The following NAA25 variants were observed in gnomAD, a reference collection of about 807,000 sequenced individuals.
The protein encoded by NAA25 is N-terminal acetyltransferase B complex subunit NAA25.
In NAA25, 30 loss-of-function variants were observed where a neutral mutation model predicts 132.5. The ratio of observed to expected loss-of-function variants is 0.23; its 90% confidence interval spans 0.17 to 0.31. The LOEUF (loss-of-function observed/expected upper bound fraction) is 0.31. Among genes scored for constraint, NAA25 ranks in the 10% least tolerant of loss-of-function variants. The pLI, the probability that NAA25 is intolerant of heterozygous loss-of-function variation, is 1.00. For synonymous variants in NAA25, 359 were observed against 401.9 expected, an observed-to-expected ratio of 0.89 and a Z score of 1.28; for missense variants, 771 against 1,150.4, an observed-to-expected ratio of 0.67 and a Z score of 4.77.
chr12:112,086,089 C>T (rs1325773846), intron 4 of NAA25, among the ~76,000 whole-genome samples: 1 of 121,788 alleles, frequency 8.2e-6, no homozygotes, highest in Admixed American at 9.0e-5. Context: ...CACACACACA[C>T]ACACACACAC....
intron 7 of NAA25, among the ~76,000 whole-genome samples, chr12:112,076,628 C>T (rs1290844121): frequency 6.6e-6 from 1 of 151,536 alleles, no homozygotes; most frequent in African/African-American, 2.4e-5. Flanking sequence ...TTAAGGATAC[C>T]AAAAATTACA....
chr12:112,043,764 T>C lies in NAA25; in HGVS notation c.2111A>G (p.Asn704Ser), dbSNP rs1283748821. 3.7e-6 allele frequency: 6 copies of C among 1,614,102 alleles called. No homozygotes were observed. The highest frequency in any genetic ancestry group is 4.2e-6 in the Non-Finnish European group (5 of 1,180,006). Residue 704 changes from asparagine to serine, a missense_variant, in exon 18 of 24, where the codon AAC becomes AGC. Coordinates refer to ENST00000261745, the MANE Select transcript of NAA25 (RefSeq NM_024953.4). Reference protein sequence around the residue: ...LRLISGLPSLNHPVEPKNSEK... With the variant: ...LRLISGLPSLSHPVEPKNSEK... ...CGAGTTCTTTGGCTCCACAGGGTGG[T>C]TGAGACTTGGAAGTCCACTTATCAG...
chr12:112,072,129 A>C, intron 9 of NAA25, 65 bp from the exon 10 acceptor site: 1 of 1,377,936 alleles, frequency 7.3e-7, no homozygotes, highest in Non-Finnish European at 9.9e-7. Context: ...GCTTAAAGTC[A>C]AGCCAAACTC....
intron 11 of NAA25, among the ~76,000 whole-genome samples, chr12:112,062,439 CG>C (rs1295939348): frequency 1.3e-5 from 2 of 150,312 alleles, no homozygotes; most frequent in Non-Finnish European, 3.0e-5. Context: ...AAAAATAGGC[CG>C]GGTGTGGTGC....
At chr12:112,054,075 A>T (rs541983640) in intron 14 of NAA25, among the ~76,000 whole-genome samples, 1 of 152,246 alleles carries the variant, frequency 6.6e-6, no homozygotes, top group Non-Finnish European at 1.5e-5. Flanking sequence ...AATAAATTAC[A>T]TGTGTCAACT....
At chr12:112,095,516 G>A (rs898246357) in intron 1 of NAA25, among the ~76,000 whole-genome samples, 1 of 151,044 alleles carries the variant, frequency 6.6e-6, no homozygotes, top group African/African-American at 2.4e-5. Context: ...GTCTGCTTGA[G>A]CTTGGGAGGT....
intron 11 of NAA25, among the ~76,000 whole-genome samples, chr12:112,066,877 T>TA (rs750419163): frequency 3.3e-5 from 5 of 152,230 alleles, no homozygotes; most frequent in Admixed American, 6.6e-5. Flanking sequence ...ATGTGGTCAC[T>TA]AAAAAAATAC....
At position 112,108,401 on chromosome 12, in the gene NAA25, A is replaced by G. The variant is rs2079396474; in HGVS notation, c.58+315T>C. Among the ~76,000 whole-genome samples the G allele has an allele frequency of 2.0e-5, 3 of 152,198 alleles. No individual in the cohort carries two copies. In the South Asian group the frequency reaches 6.2e-4, roughly 31 times the overall value. The stretch of plus-strand genomic sequence containing the variant: ...CTTCGGGGAGATCTCCGGTCTCCCT[A>G]GGAGCGGCGGTAACGATGCAGCCTG... On this transcript the variant is annotated intron_variant, in intron 1 of 23. Coordinates refer to ENST00000261745, the MANE Select transcript of NAA25 (RefSeq NM_024953.4).
chr12:112,091,519 C>A lies in NAA25; in HGVS notation c.145-655G>T, dbSNP rs188854184. Among the ~76,000 whole-genome samples, 59 of 152,210 alleles carry A rather than the reference C, an allele frequency of 3.9e-4. No homozygotes were observed. In the East Asian group the frequency reaches 0.011, roughly 29 times the overall value. ...GCCTAGGTAGGCAACGTGGTGAGAT[C>A]CCATTTTTACAAAAAGTTTAAATAT... On this transcript the variant is annotated intron_variant, in intron 2 of 23. Coordinates refer to ENST00000261745, the MANE Select transcript of NAA25 (RefSeq NM_024953.4).
At chr12:112,050,367 C>CA (rs1419513527) in intron 15 of NAA25, among the ~76,000 whole-genome samples, 1 of 152,188 alleles carries the variant, frequency 6.6e-6, no homozygotes, top group Non-Finnish European at 1.5e-5. Context: ...ATTTTCTACT[C>CA]ATTTATGCAC....
At chr12:112,044,085 G>A (rs541947173) in intron 17 of NAA25, among the ~76,000 whole-genome samples, 11 of 151,668 alleles carry the variant, frequency 7.3e-5, no homozygotes, top group Admixed American at 3.3e-4. Context: ...CTGCCACCAC[G>A]CCCGGCTAAT....
At chr12:112,082,532 T>A (rs941997692) in intron 4 of NAA25, among the ~76,000 whole-genome samples, 1 of 149,240 alleles carries the variant, frequency 6.7e-6, no homozygotes, top group Non-Finnish European at 1.5e-5. Flanking sequence ...ATGATCACAC[T>A]ACTGCACTCC....
At chr12:112,088,781 C>T (rs2079090971) in intron 3 of NAA25, among the ~76,000 whole-genome samples, 1 of 151,990 alleles carries the variant, frequency 6.6e-6, no homozygotes, top group African/African-American at 2.4e-5. Flanking sequence ...TCACCACACC[C>T]GGCTAATTTT....
intron 21 of NAA25, 110 bp downstream of exon 21, chr12:112,040,371 G>A: frequency 3.4e-6 from 2 of 587,276 alleles, no homozygotes; most frequent in Non-Finnish European, 6.0e-6. Context: ...AACAGGGATG[G>A]AGGGTTAAGT....
intron 23 of NAA25, 69 bp downstream of exon 23, chr12:112,033,158 TGATAAA>T (rs1291603149): frequency 7.0e-7 from 1 of 1,425,800 alleles, no homozygotes; most frequent in African/African-American, 1.4e-5. Flanking sequence ...CTTGTCCTTG[TGATAAA>T]GATGAGAGAG....
intron 6 of NAA25, 55 bp from the exon 7 acceptor site, chr12:112,078,321 A>C: frequency 7.8e-7 from 1 of 1,287,420 alleles, no homozygotes; most frequent in Non-Finnish European, 1.1e-6. Flanking sequence ...TAATAAAAAG[A>C]CAGTCATTTA....
At chr12:112,100,408 G>T (rs951667607) in intron 1 of NAA25, among the ~76,000 whole-genome samples, 9 of 152,032 alleles carry the variant, frequency 5.9e-5, no homozygotes, top group African/African-American at 2.2e-4. Context: ...TGATCCTCCT[G>T]CCTCAGCCTC....
rs137952091 is a variant in NAA25, at chr12:112,051,771, C to A, written c.1728+1787G>T. On this transcript the variant is annotated intron_variant, in intron 15 of 23. Transcript: ENST00000261745. ...GATGACACATCCCCTCAAATTGCTC[C>A]TAGGGGTCTCCTTTGCCTATATTGC... 7.6e-4 allele frequency among the ~76,000 whole-genome samples: 115 copies of A among 152,266 alleles called. 1 individual carries two copies. The highest frequency in any genetic ancestry group is 4.2e-3 in the East Asian group (22 of 5,188).
chr12:112,067,944 G>A (rs1176271790), intron 11 of NAA25, among the ~76,000 whole-genome samples: 1 of 151,760 alleles, frequency 6.6e-6, no homozygotes, highest in Non-Finnish European at 1.5e-5. Flanking sequence ...ACCATTATTG[G>A]CCAGGCTGGT....
Sources: gnomAD v4.1 joint callset for allele counts (sites outside exome capture counted in the v4.1 genomes callset) on GRCh38, gnomAD v4.1.1 for gene constraint, MANE v1.5 for transcripts, NCBI Gene and HGNC (gene_info 2026-07-23, HGNC 2026-07-21) for gene names.